The following TET1 variants were observed in gnomAD, a reference collection of about 807,000 sequenced individuals.
The protein encoded by TET1 is tet methylcytosine dioxygenase 1.
Under a neutral mutation model 148.7 loss-of-function variants are expected in TET1, and 13 were observed. The ratio of observed to expected loss-of-function variants is 0.09; its 90% CI spans 0.06 to 0.14. The LOEUF (loss-of-function observed/expected upper bound fraction) is 0.14. TET1 is among the 10% of genes least tolerant of loss of function. TET1 has a pLI of 1.00. For synonymous variants in TET1, 907 were observed against 937.2 expected (o/e 0.97, Z 0.59); for missense variants, 2,182 against 2,553.8 (o/e 0.85, Z 3.14).
intron 3 of TET1, among the ~76,000 whole-genome samples, chr10:68,616,783 C>T (rs1002312864): frequency 1.4e-5 from 2 of 146,666 alleles, no homozygotes; most frequent in Non-Finnish European, 3.0e-5. Flanking sequence ...TCTCGGCTCA[C>T]GGCAACCTCT....
chr10:68,607,502 G>T (rs1394027580), intron 3 of TET1, among the ~76,000 whole-genome samples: 1 of 150,878 alleles, frequency 6.6e-6, no homozygotes, highest in African/African-American at 2.4e-5. Flanking sequence ...GCACAATCTT[G>T]GTTCGTTGCA....
chr10:68,617,021 T>C (rs2054301887), intron 3 of TET1, among the ~76,000 whole-genome samples: 1 of 33,258 alleles, frequency 3.0e-5, no homozygotes, highest in African/African-American at 9.0e-5. Flanking sequence ...TTTTTTTTTT[T>C]TTTTTTTTTT....
In TET1 at chr10:68,603,854, G is replaced by A. The variant is rs889077588; in HGVS notation, c.1968+2820G>A. Among the ~76,000 whole-genome samples the A allele has an allele frequency of 4.6e-5, 7 of 152,216 alleles. No individual in the cohort carries two copies. The South Asian group carries it at 1.0e-3, about 23-fold the overall frequency. ...ACTTCAAAATTAAAAACTAAATAGCGATCTAAATCCTGATTAGAGATTCTT... is the reference window on the plus strand; with the variant it reads ...ACTTCAAAATTAAAAACTAAATAGCAATCTAAATCCTGATTAGAGATTCTT... On this transcript the variant is annotated intron_variant, in intron 3 of 11. Coordinates refer to ENST00000373644, the MANE Select transcript of TET1 (RefSeq NM_030625.3).
In TET1 at chr10:68,671,009, GTTCT is replaced by G. The variant is rs1160033033; in HGVS notation, c.4674-1877_4674-1874del. Among the ~76,000 whole-genome samples the G allele has an allele frequency of 7.3e-5, 11 of 150,474 alleles. 1 individual carries two copies. The South Asian group carries it at 1.7e-3, about 23-fold the overall frequency. The stretch of plus-strand genomic sequence containing the variant: ...TAATTATTCTTTTACTGTTTTTTTT[GTTCT>G]TTCTTTCTGGTGGAATTTAAAATCA... On this transcript the variant is annotated intron_variant, in intron 7 of 11. Transcript: ENST00000373644.
intron 6 of TET1, among the ~76,000 whole-genome samples, chr10:68,657,673 A>G (rs1486588148): frequency 6.6e-6 from 1 of 152,174 alleles, no homozygotes; most frequent in Non-Finnish European, 1.5e-5. Context: ...TTGAATTGGT[A>G]TCTTGAAATA....
intron 11 of TET1, among the ~76,000 whole-genome samples, chr10:68,688,338 TCCAC>T (rs1210235085): frequency 6.6e-6 from 1 of 151,506 alleles, no homozygotes; most frequent in African/African-American, 2.4e-5. Flanking sequence ...CCTCAAGTGA[TCCAC>T]CCGCCTCGGC....
Position 68,691,893 on chromosome 10 carries a change from C to A in TET1, c.*79C>A. ...TGCTGTTAAAAGAAAGTCATGTTGT[C>A]GTTTACTATCTTCATCTCACCCATT... On this transcript the variant is annotated 3_prime_UTR_variant, in exon 12 of 12. Coordinates refer to ENST00000373644, the MANE Select transcript of TET1 (RefSeq NM_030625.3). The surrounding 1 kb of genome is among the most constrained non-coding windows in gnomAD (Gnocchi z 4.4). 1.4e-6 allele frequency: 2 copies of A among 1,460,658 alleles called. No homozygotes were observed. Among genetic ancestry groups the A allele is most frequent in the South Asian group, 1.4e-5 (1 of 71,592 alleles). 90.5% of individuals were successfully genotyped at this position (1,460,658 alleles called of 1,614,324 possible). A position where few individuals can be genotyped will look rare whatever the true frequency, so the allele number is the denominator to read the frequency against.
intron 6 of TET1, among the ~76,000 whole-genome samples, chr10:68,656,445 G>A (rs1421508765): frequency 2.0e-5 from 3 of 152,086 alleles, no homozygotes; most frequent in South Asian, 2.1e-4. Flanking sequence ...TGTATTTTTA[G>A]TAGAGACGTG....
intron 8 of TET1, among the ~76,000 whole-genome samples, chr10:68,680,295 A>G (rs2055418507): frequency 6.6e-6 from 1 of 152,230 alleles, no homozygotes; most frequent in Non-Finnish European, 1.5e-5. Flanking sequence ...TCACATGAGC[A>G]TATGAGGCGA....
At chr10:68,657,995 A>C (rs1191846049) in intron 6 of TET1, among the ~76,000 whole-genome samples, 2 of 152,190 alleles carry the variant, frequency 1.3e-5, no homozygotes, top group African/African-American at 4.8e-5. Flanking sequence ...TTGAACTAAG[A>C]AATCGAATAT....
intron 3 of TET1, among the ~76,000 whole-genome samples, chr10:68,625,000 C>T (rs1018289955): frequency 2.6e-5 from 4 of 152,058 alleles, no homozygotes; most frequent in African/African-American, 7.2e-5. Context: ...TCCCAAAGTG[C>T]TGGGATTACA....
intron 2 of TET1, among the ~76,000 whole-genome samples, chr10:68,576,348 C>CAA (rs374850664): frequency 7.6e-6 from 1 of 131,496 alleles, no homozygotes; most frequent in Non-Finnish European, 1.6e-5. Flanking sequence ...GACCCTGTCT[C>CAA]AAAAAAAAAA....
rs1252478082 is a variant in TET1, at chr10:68,624,654, TTCTTTCTCTCTCTCTCTCTC to T, written c.1969-20040_1969-20021del. Reference sequence around the variant, plus strand: ...TTTCTTTCTTTCTTTCTTTCTTTCTTTCTTTCTCTCTCTCTCTCTCTCTCTCTCTCTCTCTCTCTCTCTTT... The same window carrying T: ...TTTCTTTCTTTCTTTCTTTCTTTCTTTCTCTCTCTCTCTCTCTCTCTCTTT... On this transcript the variant is annotated intron_variant, in intron 3 of 11. Coordinates refer to ENST00000373644, the MANE Select transcript of TET1 (RefSeq NM_030625.3). Among the ~76,000 whole-genome samples the T allele has an allele frequency of 5.4e-3, 315 of 58,414 alleles. 2 individuals are homozygous for T. The highest frequency in any genetic ancestry group is 0.017 in the East Asian group (44 of 2,620). 38.3% of individuals were successfully genotyped at this position (58,414 alleles called of 152,430 possible).
intron 2 of TET1, among the ~76,000 whole-genome samples, chr10:68,595,364 GA>G (rs958018012): frequency 6.6e-6 from 1 of 152,086 alleles, no homozygotes; most frequent in African/African-American, 2.4e-5. Flanking sequence ...TTTCTTGGGA[GA>G]GGAGAGCGCG....
chr10:68,595,942 A>ATAT, intron 2 of TET1, among the ~76,000 whole-genome samples: 1 of 30,094 alleles, frequency 3.3e-5, no homozygotes, highest in Non-Finnish European at 7.0e-5. Flanking sequence ...ATATATATAT[A>ATAT]TATATATATA....
Position 68,645,042 on chromosome 10 carries a change from T to C in TET1, c.2313T>C (p.Asn771=). ...KHVHCLPAET[N]VSFKKFNIEE... ...TACACTGTTTACCAGCTGAAACAAA[T>C]GTTTCATTTAAAAAATTCAATATTG... The change falls in exon 4 of 12, where the codon AAT becomes AAC. Residue 771 remains asparagine, a synonymous_variant. Coordinates refer to ENST00000373644, the MANE Select transcript of TET1 (RefSeq NM_030625.3). 8 of 1,613,152 alleles carry C rather than the reference T, an allele frequency of 5.0e-6. No individual in the cohort carries two copies. The highest frequency in any genetic ancestry group is 6.8e-6 in the Non-Finnish European group (8 of 1,179,750).
rs10998323 is a variant in TET1 at position 68,603,880 on chromosome 10, C to T, written c.1968+2846C>T. On this transcript the variant is annotated intron_variant, in intron 3 of 11. Transcript: ENST00000373644. ...ATCTAAATCCTGATTAGAGATTCTT[C>T]CTGTAGCTGAAATGACAGCTCTGGC... Among the ~76,000 whole-genome samples the T allele has an allele frequency of 6.3e-3, 961 of 152,300 alleles. 7 individuals carry two copies. Among genetic ancestry groups the T allele is most frequent in the South Asian group, 0.016 (77 of 4,816 alleles).
intron 8 of TET1, among the ~76,000 whole-genome samples, chr10:68,679,165 A>G (rs1046354333): frequency 5.9e-5 from 9 of 152,238 alleles, no homozygotes; most frequent in Admixed American, 5.2e-4. Flanking sequence ...CCTGGGCAAC[A>G]GAGTGAAACT....
chr10:68,668,735 G>T (rs1419029491), intron 7 of TET1, among the ~76,000 whole-genome samples: 2 of 152,006 alleles, frequency 1.3e-5, no homozygotes, highest in Non-Finnish European at 2.9e-5. Flanking sequence ...ATGCGCTTTG[G>T]GAGGCCGACA....
Sources: allele counts gnomAD v4.1 joint callset (sites outside exome capture counted in the v4.1 genomes callset), GRCh38; gene constraint gnomAD v4.1.1; non-coding constraint Gnocchi (gnomAD v3.1); transcripts MANE v1.5; gene names NCBI Gene and HGNC (gene_info 2026-07-23, HGNC 2026-07-21).